GRIK5: variants seen among roughly 807,000 people sequenced by gnomAD.
The protein encoded by GRIK5 is glutamate receptor ionotropic, kainate 5.
A neutral mutation model predicts 97.4 loss-of-function variants in GRIK5; 43 were observed. That is an observed-to-expected ratio of 0.44 (90% confidence interval 0.35 to 0.57). The LOEUF (loss-of-function observed/expected upper bound fraction) is 0.57, where lower values mean the gene tolerates loss of function less well. Ranked by LOEUF, GRIK5 falls within the 20% of genes least tolerant of loss-of-function variation. GRIK5 has a pLI of 0.01. For synonymous variants in GRIK5, 580 were observed against 583.5 expected, an observed-to-expected ratio of 0.99 and a Z score of 0.09; for missense variants, 1,015 against 1,382.0, an observed-to-expected ratio of 0.73 and a Z score of 4.21.
In GRIK5 at chr19:42,062,807, G is replaced by A. The variant is rs377324696; in HGVS notation, c.293C>T (p.Ser98Phe). 4 of 1,613,978 alleles carry A rather than the reference G, an allele frequency of 2.5e-6. No homozygotes were observed. Among genetic ancestry groups the A allele is most frequent in the Non-Finnish European group, 2.5e-6 (3 of 1,179,948 alleles). Residue 98 changes from serine to phenylalanine, a missense_variant, in exon 4 of 20, where the codon TCT becomes TTT. Transcript: ENST00000593562. The surrounding 1 kb of genome is among the most constrained non-coding windows in gnomAD (Gnocchi z 5.3). ...KGVVSVLGPSSSPASASTVSH... is the reference protein window; with the variant it reads ...KGVVSVLGPSFSPASASTVSH... ...CACGGTGGAGGCAGATGCTGGGCTA[G>A]AGGAGGGCCCAAGGACAGACACAAC...
intron 12 of GRIK5, among the ~76,000 whole-genome samples, chr19:42,027,163 T>C (rs1422849507): frequency 1.3e-5 from 2 of 152,184 alleles, no homozygotes; most frequent in African/African-American, 4.8e-5. Context: ...ATTCTAGCTT[T>C]GGGGATACGG....
In GRIK5 at chr19:42,022,044, C is replaced by T; in HGVS notation, c.1600G>A (p.Gly534Ser). 2 of 1,612,466 alleles carry T rather than the reference C, an allele frequency of 1.2e-6. No homozygotes were observed. The highest frequency in any genetic ancestry group is 1.7e-6 in the Non-Finnish European group (2 of 1,178,930). The change falls in exon 14 of 20, where the codon GGC (glycine) becomes AGC (serine). Residue 534 changes from glycine (G) to serine (S), a missense_variant. Gly to Ser is a moderately conservative substitution (Grantham distance 56). Around this residue, in one of 5 missense-constraint regions of GRIK5, gnomAD observed 477 missense variants for 701.1 expected, o/e 0.68. Coordinates refer to ENST00000593562, the MANE Select transcript of GRIK5 (RefSeq NM_002088.5). The surrounding 1 kb of genome is among the most constrained non-coding windows in gnomAD (Gnocchi z 4.2). ...AAGGGGTCCAGGAAGGAGAAGTAGCCAGGCTTGCGGCCCTGTGGGGAGAGG... is the reference window on the plus strand; with the variant it reads ...AAGGGGTCCAGGAAGGAGAAGTAGCTAGGCTTGCGGCCCTGTGGGGAGAGG... ...LYRVHMGRKP[G>S]YFSFLDPFSP...
In GRIK5 at chr19:41,999,199, C is replaced by A; in HGVS notation, c.2615G>T (p.Arg872Leu). ...GACCGCGCGCAGTGACAGCAGGGCC[C>A]GGCTCGGGCCGCCCGGGCGTCGGCG... Reference protein sequence around the residue: ...RRRRRPGGPSRALLSLRAVRE... With the variant: ...RRRRRPGGPSLALLSLRAVRE... The change falls in exon 20 of 20, where the codon CGG (arginine) becomes CTG (leucine). Residue 872 changes from arginine (R) to leucine (L), a missense_variant. Transcript: ENST00000593562. The surrounding 1 kb of genome is among the most constrained non-coding windows in gnomAD (Gnocchi z 5.0). The A allele has an allele frequency of 4.0e-6, 6 of 1,517,270 alleles. No individual in the cohort carries two copies. Among genetic ancestry groups the A allele is most frequent in the Non-Finnish European group, 5.3e-6 (6 of 1,139,844 alleles). 94.0% of individuals were successfully genotyped at this position (1,517,270 alleles called of 1,614,324 possible).
intron 15 of GRIK5, among the ~76,000 whole-genome samples, chr19:42,008,266 C>G (rs1555873208): frequency 1.3e-5 from 2 of 152,074 alleles, no homozygotes; most frequent in African/African-American, 4.8e-5. Flanking sequence ...ACCTGCCCAC[C>G]TCGCCCACCC....
At chr19:42,000,053 T>A (rs1475456914) in intron 19 of GRIK5, among the ~76,000 whole-genome samples, 1 of 152,132 alleles carries the variant, frequency 6.6e-6, no homozygotes, top group East Asian at 1.9e-4. Flanking sequence ...TGCAAGCAGG[T>A]CAGCATGGCT....
Position 42,003,778 on chromosome 19 carries a change from G to C in GRIK5, c.2264-95C>G. The C allele has an allele frequency of 7.3e-7, 1 of 1,360,974 alleles. No individual in the cohort carries two copies. Among genetic ancestry groups the C allele is most frequent in the South Asian group, 1.5e-5 (1 of 66,546 alleles). The allele number at this position is 1,360,974 out of a possible 1,614,324, so 84.3% of individuals were successfully genotyped here. The stretch of plus-strand genomic sequence containing the variant: ...TGTGCCCTCACCACGGCCTTCCCCC[G>C]CCTCTACCACGTGCCCAGGGTCTTC... On this transcript the variant is annotated intron_variant, in intron 17 of 19. Transcript: ENST00000593562. The surrounding 1 kb of genome is among the most constrained non-coding windows in gnomAD (Gnocchi z 4.2).
In GRIK5 at chr19:41,999,230, G is replaced by C; in HGVS notation, c.2584C>G (p.Arg862Gly). 6.6e-7 allele frequency: 1 copy of C among 1,521,716 alleles called. No homozygotes were observed. Among genetic ancestry groups the C allele is most frequent in the Non-Finnish European group, 8.8e-7 (1 of 1,141,442 alleles). 94.3% of individuals were successfully genotyped at this position (1,521,716 alleles called of 1,614,324 possible). Residue 862 changes from arginine to glycine, a missense_variant, in exon 20 of 20, where the codon CGC becomes GGC. Coordinates refer to ENST00000593562, the MANE Select transcript of GRIK5 (RefSeq NM_002088.5). The surrounding 1 kb of genome is among the most constrained non-coding windows in gnomAD (Gnocchi z 5.0). ...AVSCRKTSRS[R>G]RRRRPGGPSR... Reference sequence around the variant, plus strand: ...GGGCCGCCCGGGCGTCGGCGCCGGCGGGAACGCGACGTCTTGCGGCAAGAA... The same window carrying C: ...GGGCCGCCCGGGCGTCGGCGCCGGCCGGAACGCGACGTCTTGCGGCAAGAA...
intron 12 of GRIK5, among the ~76,000 whole-genome samples, chr19:42,037,090 G>A (rs1034739949): frequency 6.6e-6 from 1 of 152,232 alleles, no homozygotes; most frequent in Non-Finnish European, 1.5e-5. Flanking sequence ...CCTCAAGAAA[G>A]GTATCTAGCA....
intron 12 of GRIK5, among the ~76,000 whole-genome samples, chr19:42,036,293 C>T (rs1217114358): frequency 1.3e-5 from 2 of 151,906 alleles, no homozygotes; most frequent in African/African-American, 4.8e-5. Context: ...AACTCCTGAC[C>T]TCAGGTGATC....
chr19:42,069,101 G>A (rs543250028), intron 1 of GRIK5, 140 bp downstream of exon 1: 42 of 442,490 alleles, frequency 9.5e-5, no homozygotes, highest in African/African-American at 5.5e-4. Context: ...GATGGAGGGC[G>A]CAGAGCAGGC....
At chr19:42,052,643 C>T (rs1262507518) in intron 11 of GRIK5, among the ~76,000 whole-genome samples, 1 of 152,236 alleles carries the variant, frequency 6.6e-6, no homozygotes, top group East Asian at 1.9e-4. Context: ...TACTGAGCGG[C>T]TCCCTCACTA....
At position 41,998,726 on chromosome 19, in the gene GRIK5, G is replaced by C. The variant is rs782019983; in HGVS notation, c.*145C>G. The C allele has an allele frequency of 2.9e-5, 8 of 277,052 alleles. No homozygotes were observed. Among genetic ancestry groups the C allele is most frequent in the African/African-American group, 6.8e-5 (3 of 43,838 alleles). The allele number at this position is 277,052 out of a possible 1,614,324, so 17.2% of individuals were successfully genotyped here. The stretch of plus-strand genomic sequence containing the variant: ...TCCAGAGCCAGGCCTCGGACTTCGC[G>C]GGGAACCAAAGGCAAAATCGCGGCG... On this transcript the variant is annotated 3_prime_UTR_variant, in exon 20 of 20. Transcript: ENST00000593562.
In GRIK5 at chr19:42,042,806, G is replaced by C; in HGVS notation, c.1270-51C>G. ...TCAGAGGCTGGGTGTCTAGTGGCTGGGTTGCGGATCCTGGAGCCCGGACCA... is the reference window on the plus strand; with the variant it reads ...TCAGAGGCTGGGTGTCTAGTGGCTGCGTTGCGGATCCTGGAGCCCGGACCA... On this transcript the variant is annotated intron_variant, in intron 11 of 19. Coordinates refer to ENST00000593562, the MANE Select transcript of GRIK5 (RefSeq NM_002088.5). This position sits in a 1 kb window ranked among gnomAD's most constrained non-coding sequence, Gnocchi z 6.9. 2 of 1,475,794 alleles carry C rather than the reference G, an allele frequency of 1.4e-6. No homozygotes were observed. The highest frequency in any genetic ancestry group is 2.3e-5 in the East Asian group (1 of 43,246). The allele number at this position is 1,475,794 out of a possible 1,614,324, so 91.4% of individuals were successfully genotyped here.
intron 1 of GRIK5, among the ~76,000 whole-genome samples, chr19:42,067,111 G>T: frequency 6.6e-6 from 1 of 152,234 alleles, no homozygotes; most frequent in East Asian, 1.9e-4. Flanking sequence ...TGTGCCCCAC[G>T]GGAAGGGATG....
Position 42,003,322 on chromosome 19 carries a change from GCCT to G in GRIK5, c.2514+7_2514+9del. ...CTGTTCCTGCCCACCCCCACCCCCA[GCCT>G]CCTCACCTCCTCGGACTCAGCTGAC... On this transcript the variant is annotated splice_region_variant and intron_variant, in intron 19 of 19. Coordinates refer to ENST00000593562, the MANE Select transcript of GRIK5 (RefSeq NM_002088.5). This position sits in a 1 kb window ranked among gnomAD's most constrained non-coding sequence, Gnocchi z 4.2. 3.0e-5 allele frequency: 27 copies of G among 897,844 alleles called. No homozygotes were observed. The highest frequency in any genetic ancestry group is 4.6e-5 in the Non-Finnish European group (26 of 566,306). The allele number at this position is 897,844 out of a possible 1,614,324, so 55.6% of individuals were successfully genotyped here. A position where few individuals can be genotyped will look rare whatever the true frequency, so the allele number is the denominator to read the frequency against.
At chr19:42,035,478 G>A (rs1321172625) in intron 12 of GRIK5, among the ~76,000 whole-genome samples, 1 of 151,970 alleles carries the variant, frequency 6.6e-6, no homozygotes, top group Admixed American at 6.6e-5. Context: ...AGGCCGAGGT[G>A]AGCAGATCAC....
Position 42,022,020 on chromosome 19 carries a change from AG to A in GRIK5, c.1623del (p.Phe542SerfsTer26). ...ATGAAGAGCCACACAGCAGGGGAGA[AG>A]GGGTCCAGGAAGGAGAAGTAGCCAG... ...RKPGYFSFLDPFSPAVWLFML... is the reference protein window; with the variant it reads ...RKPGYFSFLDXFSPAVWLFML... On this transcript the variant is annotated frameshift_variant, in exon 14 of 20. Transcript: ENST00000593562. LOFTEE classifies it high-confidence loss of function. This position sits in a 1 kb window ranked among gnomAD's most constrained non-coding sequence, Gnocchi z 4.2. The A allele has an allele frequency of 6.2e-7, 1 of 1,613,896 alleles. No homozygotes were observed. The highest frequency in any genetic ancestry group is 1.7e-5 in the Admixed American group (1 of 59,986).
chr19:42,065,214 C>T lies in GRIK5; in HGVS notation c.244+9G>A, dbSNP rs1351808402. 1.9e-6 allele frequency: 3 copies of T among 1,604,156 alleles called. No homozygotes were observed. The highest frequency in any genetic ancestry group is 2.2e-5 in the South Asian group (2 of 90,384). On this transcript the variant is annotated intron_variant, in intron 3 of 19. Transcript: ENST00000593562. This position sits in a 1 kb window ranked among gnomAD's most constrained non-coding sequence, Gnocchi z 5.8. The stretch of plus-strand genomic sequence containing the variant: ...CTGCCTCACCCCACGCCCCCATGGC[C>T]CCGCTCACTGGTGTCCGTGGTCTCG...
In GRIK5 at chr19:42,031,245, T is replaced by C. The variant is rs373168501; in HGVS notation, c.1474-8891A>G. ...GCCAAACAGGCCAGCTGAATGTAGA[T>C]GGGATCACTACCCCTGCTTCTTCCA... On this transcript the variant is annotated intron_variant, in intron 12 of 19. Coordinates refer to ENST00000593562, the MANE Select transcript of GRIK5 (RefSeq NM_002088.5). Among the ~76,000 whole-genome samples the C allele has an allele frequency of 2.6e-5, 4 of 152,340 alleles. No individual in the cohort carries two copies. The South Asian group carries it at 8.3e-4, about 32-fold the overall frequency.
Sources: allele counts gnomAD v4.1 joint callset (sites outside exome capture counted in the v4.1 genomes callset), GRCh38; gene constraint gnomAD v4.1.1; regional missense constraint gnomAD v4.1.1; non-coding constraint Gnocchi (gnomAD v3.1); transcripts MANE v1.5; gene names NCBI Gene and HGNC (gene_info 2026-07-23, HGNC 2026-07-21).